Variants in BRINP3 observed in about 807,000 individuals in gnomAD.
BRINP3 encodes the protein BMP/retinoic acid inducible neural specific 3.
A neutral mutation model predicts 71.0 loss-of-function variants in BRINP3; 19 were observed. The ratio of observed to expected loss-of-function variants is 0.27; its 90% CI spans 0.19 to 0.39. BRINP3 has a LOEUF of 0.39. BRINP3 is among the 10% of genes least tolerant of loss of function. The pLI is 1.00. For missense variants in BRINP3, 959 were observed against 940.8 expected, an observed-to-expected ratio of 1.02 and a Z score of -0.25; for synonymous variants, 380 against 337.7, an observed-to-expected ratio of 1.13 and a Z score of -1.37.
intron 7 of BRINP3, among the ~76,000 whole-genome samples, chr1:190,151,227 A>G (rs1210083036): frequency 6.6e-6 from 1 of 152,214 alleles, no homozygotes; most frequent in Non-Finnish European, 1.5e-5. Flanking sequence ...ATTCAAAAAC[A>G]AGTAAAATTG....
intron 1 of BRINP3, among the ~76,000 whole-genome samples, chr1:190,474,094 C>T (rs950218180): frequency 6.6e-6 from 1 of 152,150 alleles, no homozygotes; most frequent in African/African-American, 2.4e-5. Flanking sequence ...TGCCATCTTC[C>T]ATGTTTTATT....
intron 2 of BRINP3, among the ~76,000 whole-genome samples, chr1:190,437,410 C>T (rs1434166237): frequency 6.6e-6 from 1 of 151,830 alleles, no homozygotes; most frequent in African/African-American, 2.4e-5. Flanking sequence ...CAAATAACTT[C>T]ACTTAATCCT....
At chr1:190,336,310 A>C (rs1278046189) in intron 2 of BRINP3, among the ~76,000 whole-genome samples, 2 of 152,084 alleles carry the variant, frequency 1.3e-5, no homozygotes, top group African/African-American at 2.4e-5. Flanking sequence ...CAAAGTTTCC[A>C]TATCTACCTT....
intron 2 of BRINP3, among the ~76,000 whole-genome samples, chr1:190,337,676 C>T (rs1048224682): frequency 1.3e-5 from 2 of 152,042 alleles, no homozygotes; most frequent in African/African-American, 2.4e-5. Context: ...GTCAGCTTCC[C>T]TACTTTTGAG....
At chr1:190,328,025 A>C (rs1666725402) in intron 2 of BRINP3, among the ~76,000 whole-genome samples, 1 of 152,158 alleles carries the variant, frequency 6.6e-6, no homozygotes, top group Non-Finnish European at 1.5e-5. Flanking sequence ...GAAATTAAAC[A>C]ACTTGCCCCT....
At chr1:190,255,377 C>T (rs1217367224) in intron 4 of BRINP3, among the ~76,000 whole-genome samples, 2 of 151,830 alleles carry the variant, frequency 1.3e-5, no homozygotes, top group Non-Finnish European at 1.5e-5. Flanking sequence ...CTTCTTTGTA[C>T]CCCTGGTATA....
chr1:190,414,731 C>T (rs1242186526), intron 2 of BRINP3, among the ~76,000 whole-genome samples: 5 of 152,138 alleles, frequency 3.3e-5, no homozygotes, highest in African/African-American at 4.8e-5. Context: ...TACAGTCTTA[C>T]GAGTGACAGC....
chr1:190,292,507 C>G (rs749629842), intron 2 of BRINP3, among the ~76,000 whole-genome samples: 1 of 151,878 alleles, frequency 6.6e-6, no homozygotes, highest in Non-Finnish European at 1.5e-5. Context: ...AAATAGCTTA[C>G]TCTGGTGGCA....
chr1:190,396,725 T>TATATATATATATATATATATATATAC (rs1671598002), intron 2 of BRINP3, among the ~76,000 whole-genome samples: 1 of 142,150 alleles, frequency 7.0e-6, no homozygotes, highest in Non-Finnish European at 1.5e-5. Flanking sequence ...TATATATATA[T>TATATATATATATATATATATATATAC]ATATATATAT....
chr1:190,449,543 C>T (rs1429508558), intron 2 of BRINP3, among the ~76,000 whole-genome samples: 1 of 151,412 alleles, frequency 6.6e-6, no homozygotes, highest in Admixed American at 6.6e-5. Flanking sequence ...AAGTCCAAAG[C>T]TACTGTTGTA....
At chr1:190,439,820 T>C (rs1674699584) in intron 2 of BRINP3, among the ~76,000 whole-genome samples, 1 of 152,004 alleles carries the variant, frequency 6.6e-6, no homozygotes, top group African/African-American at 2.4e-5. Context: ...TAATAAAGCA[T>C]TCATATACAA....
intron 7 of BRINP3, among the ~76,000 whole-genome samples, chr1:190,137,155 A>G (rs1655042151): frequency 6.6e-6 from 1 of 152,092 alleles, no homozygotes; most frequent in Admixed American, 6.6e-5. Context: ...TCTGTTTTTA[A>G]TCTCTAGACT....
At chr1:190,217,108 G>T (rs187332195) in intron 6 of BRINP3, 23 of 151,950 alleles carry the variant, frequency 1.5e-4, no homozygotes, top group African/African-American at 5.3e-4. Context: ...AGTATGTCTT[G>T]CACCTAAAAG....
chr1:190,313,898 A>G (rs1009480254), intron 2 of BRINP3, among the ~76,000 whole-genome samples: 30 of 152,064 alleles, frequency 2.0e-4, no homozygotes, highest in Non-Finnish European at 2.9e-4. Context: ...ATATATTTCA[A>G]CTTATATTTT....
chr1:190,328,814 T>C (rs1558186124), intron 2 of BRINP3, among the ~76,000 whole-genome samples: 3 of 151,124 alleles, frequency 2.0e-5, no homozygotes, highest in Admixed American at 6.6e-5. Context: ...CAACGACACA[T>C]GAAATTCACA....
chr1:190,266,918 T>G (rs1483229008), intron 3 of BRINP3, among the ~76,000 whole-genome samples: 1 of 152,086 alleles, frequency 6.6e-6, no homozygotes. Context: ...AAGCTAAGAA[T>G]CTTGATATTA....
chr1:190,288,151 A>G (rs944673505), intron 2 of BRINP3, among the ~76,000 whole-genome samples: 3 of 152,036 alleles, frequency 2.0e-5, no homozygotes, highest in African/African-American at 7.2e-5. Context: ...AGTATAGTTT[A>G]ATTTCTATCA....
chr1:190,309,663 GAC>G (rs1183864897), intron 2 of BRINP3, among the ~76,000 whole-genome samples: 1 of 151,622 alleles, frequency 6.6e-6, no homozygotes, highest in Non-Finnish European at 1.5e-5. Flanking sequence ...CACTGGGTAT[GAC>G]AATTTTGCTT....
chr1:190,339,801 T>A (rs1249411092), intron 2 of BRINP3, among the ~76,000 whole-genome samples: 1 of 151,972 alleles, frequency 6.6e-6, no homozygotes. Context: ...TCTTCAAAAG[T>A]GAGTTTTTAC....
Sources: gnomAD v4.1 joint callset for allele counts (sites outside exome capture counted in the v4.1 genomes callset) on GRCh38, gnomAD v4.1.1 for gene constraint, MANE v1.5 for transcripts, NCBI Gene and HGNC (gene_info 2026-07-23, HGNC 2026-07-21) for gene names.